EGFLAM: variants seen among roughly 807,000 people sequenced by gnomAD.
EGFLAM encodes the protein EGF like, fibronectin type III and laminin G domains, also known as pikachurin.
Under a neutral mutation model 113.1 loss-of-function variants are expected in EGFLAM, and 79 were observed. The ratio of observed to expected loss-of-function variants is 0.70; its 90% CI spans 0.58 to 0.84. The LOEUF is 0.84. EGFLAM is among the 40% of genes least tolerant of loss of function. EGFLAM has a pLI of 0.00. For missense variants in EGFLAM, 1,265 were observed against 1,291.6 expected (o/e 0.98, Z 0.32); for synonymous variants, 504 against 487.6 (o/e 1.03, Z -0.44).
chr5:38,299,368 C>T (rs1175261467), intron 1 of EGFLAM, among the ~76,000 whole-genome samples: 1 of 152,142 alleles, frequency 6.6e-6, no homozygotes, highest in East Asian at 1.9e-4. Flanking sequence ...ATTTAGAATT[C>T]AGGACACTGT....
At chr5:38,362,857 A>G (rs560465712) in intron 5 of EGFLAM, among the ~76,000 whole-genome samples, 1 of 152,336 alleles carries the variant, frequency 6.6e-6, no homozygotes, top group East Asian at 1.9e-4. Flanking sequence ...TAAAGCTTCA[A>G]TTCCTCCTAC....
At chr5:38,417,903 G>A (rs1407076086) in intron 11 of EGFLAM, among the ~76,000 whole-genome samples, 163 bp from the exon 12 acceptor site, 1 of 152,166 alleles carries the variant, frequency 6.6e-6, no homozygotes, top group East Asian at 1.9e-4. Context: ...GTAATCGTGG[G>A]TTTAATTTTC....
intron 1 of EGFLAM, among the ~76,000 whole-genome samples, chr5:38,279,581 C>A (rs1007663427): frequency 2.0e-5 from 3 of 152,122 alleles, no homozygotes; most frequent in Admixed American, 6.5e-5. Flanking sequence ...ATGGATGAAC[C>A]TGGAAGGCAT....
rs1484914375 is a variant in EGFLAM at position 38,314,032 on chromosome 5, A to G, written c.98-23488A>G. ...GTTTGTTTTGTGTATGATTTATTCT[A>G]TTAAGAAAAACTTAAAAGTAATTAT... On this transcript the variant is annotated intron_variant, in intron 1 of 21. Transcript: ENST00000322350. Among the ~76,000 whole-genome samples, 2 of 152,238 alleles carry G rather than the reference A, an allele frequency of 1.3e-5. 1 individual carries two copies. The highest frequency in any genetic ancestry group is 4.8e-5 in the African/African-American group (2 of 41,470).
At chr5:38,423,192 A>T (rs1427836752) in intron 12 of EGFLAM, among the ~76,000 whole-genome samples, 1 of 152,188 alleles carries the variant, frequency 6.6e-6, no homozygotes, top group African/African-American at 2.4e-5. Context: ...ATTGTGCTGG[A>T]GGAGTGTTCT....
intron 6 of EGFLAM, chr5:38,401,362 A>T (rs1474395628): frequency 3.3e-5 from 5 of 152,222 alleles, no homozygotes; most frequent in African/African-American, 1.2e-4. Context: ...TCTTATGGAC[A>T]TTGAACTAGA....
At chr5:38,270,556 C>A (rs1757741964) in intron 1 of EGFLAM, among the ~76,000 whole-genome samples, 2 of 151,940 alleles carry the variant, frequency 1.3e-5, no homozygotes, top group South Asian at 2.1e-4. Context: ...TTAGCCACAA[C>A]CTACACCCAT....
chr5:38,463,772 A>G, intron 21 of EGFLAM, 60 bp from the exon 22 acceptor site: 2 of 1,594,642 alleles, frequency 1.3e-6, no homozygotes, highest in Non-Finnish European at 8.6e-7. Context: ...TGGAACCCCG[A>G]CCTTGCCCTG....
rs1043233005 is a variant in EGFLAM, at chr5:38,275,894, T to A, written c.97+17043T>A. Among the ~76,000 whole-genome samples, 4 of 152,274 alleles carry A rather than the reference T, an allele frequency of 2.6e-5. 1 individual carries two copies. In the South Asian group the frequency reaches 8.3e-4, roughly 32 times the overall value. On this transcript the variant is annotated intron_variant, in intron 1 of 21. Transcript: ENST00000322350. ...TTTTCAGACCACAATGGCATAAAAC[T>A]AGACATAAATAACAGGAGGAACATT...
rs559806414 is a variant in EGFLAM, at chr5:38,313,375, A to G, written c.98-24145A>G. ...GCATCATTTCAGTAATAGGCCATCA[A>G]GTACAAATATGTTATCATAATTTGC... is the stretch of plus-strand genomic sequence containing the variant. On this transcript the variant is annotated intron_variant, in intron 1 of 21. Coordinates refer to ENST00000322350, the MANE Select transcript of EGFLAM (RefSeq NM_152403.4). Among the ~76,000 whole-genome samples the G allele has an allele frequency of 1.0e-3, 158 of 152,350 alleles. 1 individual carries two copies. The highest frequency in any genetic ancestry group is 3.6e-3 in the African/African-American group (151 of 41,590).
chr5:38,440,596 A>G (rs769638708), intron 17 of EGFLAM, among the ~76,000 whole-genome samples: 8 of 152,220 alleles, frequency 5.3e-5, no homozygotes, highest in Non-Finnish European at 8.8e-5. Context: ...GGTTTGAAAG[A>G]CCAAGAATGG....
chr5:38,423,701 T>C (rs1002730837), intron 12 of EGFLAM, among the ~76,000 whole-genome samples: 6 of 152,098 alleles, frequency 3.9e-5, no homozygotes. Context: ...AGACCACTGG[T>C]CATGTCTGCC....
chr5:38,284,653 T>C (rs2111767893), intron 1 of EGFLAM, among the ~76,000 whole-genome samples: 1 of 152,320 alleles, frequency 6.6e-6, no homozygotes, highest in East Asian at 1.9e-4. Flanking sequence ...CATTCTCTTT[T>C]CCTGCTGAAA....
chr5:38,435,042 C>T, intron 15 of EGFLAM, 95 bp from the exon 16 acceptor site: 2 of 1,001,700 alleles, frequency 2.0e-6, no homozygotes, highest in Admixed American at 3.6e-5. Context: ...CTCTGTCTAC[C>T]ATTTTGTTCC....
chr5:38,361,908 AT>A (rs1217262933), intron 5 of EGFLAM, among the ~76,000 whole-genome samples: 2,407 of 98,824 alleles, frequency 0.024, 65 homozygotes, highest in African/African-American at 0.065. Flanking sequence ...AGGATTTTTG[AT>A]TTTTTTTTTT....
At chr5:38,280,559 A>T (rs1280404850) in intron 1 of EGFLAM, among the ~76,000 whole-genome samples, 3 of 152,052 alleles carry the variant, frequency 2.0e-5, no homozygotes, top group African/African-American at 7.2e-5. Flanking sequence ...TCTCTCTACA[A>T]CTACATACAG....
intron 1 of EGFLAM, among the ~76,000 whole-genome samples, chr5:38,295,581 A>G (rs1282397532): frequency 6.6e-6 from 1 of 152,188 alleles, no homozygotes; most frequent in Non-Finnish European, 1.5e-5. Flanking sequence ...TAATTGATTA[A>G]AAATAGAAGT....
At chr5:38,423,267 T>A (rs1053153822) in intron 12 of EGFLAM, among the ~76,000 whole-genome samples, 5 of 152,118 alleles carry the variant, frequency 3.3e-5, no homozygotes, top group African/African-American at 1.2e-4. Flanking sequence ...TCCTTCACAG[T>A]CTCTCCATTT....
At chr5:38,286,571 G>A (rs2111775003) in intron 1 of EGFLAM, among the ~76,000 whole-genome samples, 1 of 152,284 alleles carries the variant, frequency 6.6e-6, no homozygotes, top group African/African-American at 2.4e-5. Context: ...TGGTCATGGT[G>A]GACTTCCTGC....
Sources: gnomAD v4.1 joint callset for allele counts (sites outside exome capture counted in the v4.1 genomes callset) on GRCh38, gnomAD v4.1.1 for gene constraint, MANE v1.5 for transcripts, NCBI Gene and HGNC (gene_info 2026-07-23, HGNC 2026-07-21) for gene names.